SH3PXD2B: variants seen among roughly 807,000 people sequenced by gnomAD.
SH3PXD2B encodes the protein SH3 and PX domains 2B.
A neutral mutation model predicts 73.1 loss-of-function variants in SH3PXD2B; 37 were observed. The observed-to-expected ratio is 0.51, with a 90% CI of 0.39 to 0.67. The LOEUF is 0.67. Among genes scored for constraint, SH3PXD2B ranks in the 30% least tolerant of loss-of-function variants. The pLI, the probability that SH3PXD2B is intolerant of heterozygous loss-of-function variation, is 0.00. For synonymous variants in SH3PXD2B, 457 were observed against 480.5 expected (o/e 0.95, Z 0.64); for missense variants, 1,053 against 1,197.8 (o/e 0.88, Z 1.78).
chr5:172,382,497 G>C (rs1327153684), intron 4 of SH3PXD2B, among the ~76,000 whole-genome samples: 1 of 152,028 alleles, frequency 6.6e-6, no homozygotes, highest in Non-Finnish European at 1.5e-5. Flanking sequence ...TTCTGCGGAG[G>C]GGGCTGAGGA....
Position 172,336,857 on chromosome 5 carries a change from A to T in SH3PXD2B, c.*1512T>A, listed in dbSNP as rs1756708099. 2 of 985,466 alleles carry T rather than the reference A, an allele frequency of 2.0e-6. No homozygotes were observed. Among genetic ancestry groups the T allele is most frequent in the African/African-American group, 3.5e-5 (2 of 57,368 alleles). 61.0% of individuals were successfully genotyped at this position (985,466 alleles called of 1,614,324 possible). ...GCCTCTCCAGACCTCAGTTTGACAG[A>T]TGACCACATCTGCCCTGGGTTTCTT... On this transcript the variant is annotated 3_prime_UTR_variant, in exon 13 of 13. Transcript: ENST00000311601.
At chr5:172,451,752 C>T (rs922946487) in intron 1 of SH3PXD2B, among the ~76,000 whole-genome samples, 2 of 152,238 alleles carry the variant, frequency 1.3e-5, no homozygotes, top group African/African-American at 4.8e-5. Context: ...TTCATGCCCG[C>T]TCTTTCCAGA....
rs1484393279 is a variant in SH3PXD2B, at chr5:172,339,106, T to C, written c.1999A>G (p.Arg667Gly). The C allele has an allele frequency of 1.2e-6, 2 of 1,614,234 alleles. No individual in the cohort carries two copies. The highest frequency in any genetic ancestry group is 8.5e-7 in the Non-Finnish European group (1 of 1,180,040). The change falls in exon 13 of 13, where the codon AGG (arginine) becomes GGG (glycine). Residue 667 changes from arginine (R) to glycine (G), a missense_variant. By Grantham distance (125) the Arg-to-Gly change is moderately radical. Coordinates refer to ENST00000311601, the MANE Select transcript of SH3PXD2B (RefSeq NM_001017995.3). The surrounding 1 kb of genome is among the most constrained non-coding windows in gnomAD (Gnocchi z 6.1). The stretch of plus-strand genomic sequence containing the variant: ...GACTTGGCAGGCCTGAGCTTACTCC[T>C]GAGGTTGCAGATGTCGACTTGGTCT... ...GEDQVDICNL[R>G]SKLRPAKSQD...
chr5:172,337,524 C>T lies in SH3PXD2B; in HGVS notation c.*845G>A, dbSNP rs1023340801. ...CTCAGCAAAGGGGTGCTCACAAGGG[C>T]ACGACTTGTGAATGGGCCTCTTATT... On this transcript the variant is annotated 3_prime_UTR_variant, in exon 13 of 13. Coordinates refer to ENST00000311601, the MANE Select transcript of SH3PXD2B (RefSeq NM_001017995.3). The T allele has an allele frequency of 4.1e-6, 4 of 985,442 alleles. No individual in the cohort carries two copies. In the African/African-American group the frequency reaches 7.0e-5, roughly 17 times the overall value. 61.0% of individuals were successfully genotyped at this position (985,442 alleles called of 1,614,324 possible).
rs1306511123 is a variant in SH3PXD2B, at chr5:172,335,901, C to T, written c.*2468G>A. ...GAGAGGACTGTGGCTTCAGTACCCG[C>T]GGGTCATGTCAGAATAATCATCATC... On this transcript the variant is annotated 3_prime_UTR_variant, in exon 13 of 13. Coordinates refer to ENST00000311601, the MANE Select transcript of SH3PXD2B (RefSeq NM_001017995.3). 22 of 1,208,278 alleles carry T rather than the reference C, an allele frequency of 1.8e-5. No homozygotes were observed. Among genetic ancestry groups the T allele is most frequent in the African/African-American group, 7.8e-5 (5 of 63,928 alleles). The allele number at this position is 1,208,278 out of a possible 1,614,324, so 74.8% of individuals were successfully genotyped here.
At position 172,339,548 on chromosome 5, in the gene SH3PXD2B, C is replaced by A; in HGVS notation, c.1557G>T (p.Lys519Asn). The A allele has an allele frequency of 6.2e-7, 1 of 1,614,200 alleles. No homozygotes were observed. The highest frequency in any genetic ancestry group is 8.5e-7 in the Non-Finnish European group (1 of 1,180,042). Reference protein sequence around the residue: ...EEISDPDMEEKPSLPPRKESI... With the variant: ...EEISDPDMEENPSLPPRKESI... ...ATTCTTTCCGCGGAGGGAGGCTGGG[C>A]TTCTCCTCCATGTCGGGGTCTGAGA... Residue 519 changes from lysine to asparagine, a missense_variant, in exon 13 of 13, where the codon AAG (lysine) becomes AAT (asparagine). Transcript: ENST00000311601. The surrounding 1 kb of genome is among the most constrained non-coding windows in gnomAD (Gnocchi z 6.1).
intron 9 of SH3PXD2B, among the ~76,000 whole-genome samples, chr5:172,350,927 A>G (rs1206929015): frequency 6.6e-6 from 1 of 152,212 alleles, no homozygotes; most frequent in African/African-American, 2.4e-5. Flanking sequence ...AGCCTGGCAT[A>G]GACAGATGGA....
chr5:172,381,516 C>T (rs1364904770), intron 5 of SH3PXD2B, among the ~76,000 whole-genome samples: 1 of 152,130 alleles, frequency 6.6e-6, no homozygotes, highest in Admixed American at 6.5e-5. Flanking sequence ...GGCGTCTGGG[C>T]AAGTGGCCTG....
rs747509586 is a variant in SH3PXD2B at position 172,347,285 on chromosome 5, T to C, written c.1060A>G (p.Ile354Val). 5.6e-6 allele frequency: 9 copies of C among 1,614,036 alleles called. No individual in the cohort carries two copies. The highest frequency in any genetic ancestry group is 7.6e-6 in the Non-Finnish European group (9 of 1,179,938). The change falls in exon 11 of 13, where the codon ATT becomes GTT. Residue 354 changes from isoleucine to valine, a missense_variant and splice_region_variant. Around this residue, in one of 2 missense-constraint regions of SH3PXD2B, gnomAD observed 466 missense variants for 607.1 expected, o/e 0.77. Transcript: ENST00000311601. ...QRPPPRRDMT[I>V]PRGLNLPKPP... ...CCCAGTAGCGAGGATCCACTTACAA[T>C]GGTCATGTCCCGGCGAGGAGGGGGT...
At chr5:172,442,630 G>T (rs748786274) in intron 1 of SH3PXD2B, among the ~76,000 whole-genome samples, 5 of 152,132 alleles carry the variant, frequency 3.3e-5, no homozygotes, top group Non-Finnish European at 7.3e-5. Context: ...TTCTTAATAT[G>T]TGGTCATTCC....
chr5:172,448,006 C>T (rs1419850503), intron 1 of SH3PXD2B, among the ~76,000 whole-genome samples: 1 of 152,238 alleles, frequency 6.6e-6, no homozygotes, highest in African/African-American at 2.4e-5. Flanking sequence ...GCCTGTGTGA[C>T]AAGCACCTAC....
chr5:172,359,449 C>T (rs1174193215), intron 7 of SH3PXD2B, among the ~76,000 whole-genome samples: 4 of 150,474 alleles, frequency 2.7e-5, no homozygotes, highest in African/African-American at 9.8e-5. Context: ...GTGATGCACC[C>T]ATCATTTCAC....
intron 2 of SH3PXD2B, among the ~76,000 whole-genome samples, chr5:172,407,635 A>C (rs1326608933): frequency 1.3e-5 from 2 of 152,238 alleles, no homozygotes; most frequent in African/African-American, 2.4e-5. Flanking sequence ...AAGCCTGCCC[A>C]CAGGAAAGTC....
intron 9 of SH3PXD2B, among the ~76,000 whole-genome samples, chr5:172,352,510 GCCACCGTGC>G (rs1757177912): frequency 6.6e-6 from 1 of 152,174 alleles, no homozygotes; most frequent in Non-Finnish European, 1.5e-5. Flanking sequence ...ACAGGCATGA[GCCACCGTGC>G]CAGGCCCATG....
In SH3PXD2B at chr5:172,336,401, CCAAGTGG is replaced by C. The variant is rs970798224; in HGVS notation, c.*1961_*1967del. ...TGCCCCCAACGCTCTGGGCACAGGG[CCAAGTGG>C]CAAGTGGGCCCTGCCCAAGCCTCTC... On this transcript the variant is annotated 3_prime_UTR_variant, in exon 13 of 13. Coordinates refer to ENST00000311601, the MANE Select transcript of SH3PXD2B (RefSeq NM_001017995.3). The C allele has an allele frequency of 5.9e-5, 58 of 985,806 alleles. No homozygotes were observed. The highest frequency in any genetic ancestry group is 1.1e-5 in the Non-Finnish European group (9 of 830,020). The allele number at this position is 985,806 out of a possible 1,614,324, so 61.1% of individuals were successfully genotyped here.
chr5:172,333,529 C>CTT lies in SH3PXD2B; in HGVS notation c.*4838_*4839dup. Reference sequence around the variant, plus strand: ...GATGAAGCTTGAAACCAGTCAAGCACTTTTTTTATTTAAAAAAAAAAAAAG... The same window carrying CTT: ...GATGAAGCTTGAAACCAGTCAAGCACTTTTTTTTTATTTAAAAAAAAAAAAAG... On this transcript the variant is annotated 3_prime_UTR_variant, in exon 13 of 13. Transcript: ENST00000311601. 1.8e-6 allele frequency: 2 copies of CTT among 1,139,428 alleles called. No individual in the cohort carries two copies. Among genetic ancestry groups the CTT allele is most frequent in the Non-Finnish European group, 2.2e-6 (2 of 925,966 alleles). 70.6% of individuals were successfully genotyped at this position (1,139,428 alleles called of 1,614,324 possible). A position where few individuals can be genotyped will look rare whatever the true frequency, so the allele number is the denominator to read the frequency against.
At chr5:172,350,147 G>T (rs1757126528) in intron 10 of SH3PXD2B, among the ~76,000 whole-genome samples, 1 of 152,226 alleles carries the variant, frequency 6.6e-6, no homozygotes, top group Non-Finnish European at 1.5e-5. Flanking sequence ...GAGCCACTGT[G>T]CCCGGCCAGC....
chr5:172,407,814 A>G (rs771446997), intron 2 of SH3PXD2B, among the ~76,000 whole-genome samples: 1 of 152,252 alleles, frequency 6.6e-6, no homozygotes, highest in Non-Finnish European at 1.5e-5. Flanking sequence ...GACATGGGCT[A>G]GATTCTTTAG....
rs180938966 is a variant in SH3PXD2B, at chr5:172,335,167, G to A, written c.*3202C>T. ...GGTTTTCCAAATTTTTGGAGGTACC[G>A]CAAGCTGTCCGTTTGCCCTGGGATG... On this transcript the variant is annotated 3_prime_UTR_variant, in exon 13 of 13. Coordinates refer to ENST00000311601, the MANE Select transcript of SH3PXD2B (RefSeq NM_001017995.3). 9.0e-4 allele frequency: 896 copies of A among 991,620 alleles called. 5 individuals are homozygous for A. The African/African-American group carries it at 0.014, about 15-fold the overall frequency. 61.4% of individuals were successfully genotyped at this position (991,620 alleles called of 1,614,324 possible). A position where few individuals can be genotyped will look rare whatever the true frequency, so the allele number is the denominator to read the frequency against.
Sources: allele counts gnomAD v4.1 joint callset (sites outside exome capture counted in the v4.1 genomes callset), GRCh38; gene constraint gnomAD v4.1.1; regional missense constraint gnomAD v4.1.1; non-coding constraint Gnocchi (gnomAD v3.1); transcripts MANE v1.5; gene names NCBI Gene and HGNC (gene_info 2026-07-23, HGNC 2026-07-21).